ATF7IP2: variants seen among roughly 807,000 people sequenced by gnomAD.
The protein encoded by ATF7IP2 is activating transcription factor 7 interacting protein 2.
ATF7IP2 carries 42 observed loss-of-function variants against 64.2 expected under a neutral mutation model. That is an observed-to-expected ratio of 0.65 (90% confidence interval 0.51 to 0.85). The LOEUF is 0.85. Ranked by LOEUF, ATF7IP2 falls within the 40% of genes least tolerant of loss-of-function variation. The pLI is 0.00. For missense variants in ATF7IP2, 933 were observed against 784.2 expected (o/e 1.19, Z -2.27); for synonymous variants, 308 against 272.8 (o/e 1.13, Z -1.27).
intron 12 of ATF7IP2, among the ~76,000 whole-genome samples, chr16:10,476,262 T>C (rs1299734105): frequency 3.9e-5 from 6 of 152,192 alleles, no homozygotes; most frequent in Admixed American, 3.9e-4. Flanking sequence ...GGTGACTAAC[T>C]GTGAAACACA....
chr16:10,425,005 TGAAAA>T (rs1222030841), intron 3 of ATF7IP2, among the ~76,000 whole-genome samples: 1 of 151,646 alleles, frequency 6.6e-6, no homozygotes, highest in Admixed American at 6.6e-5. Flanking sequence ...CAAAGAAACA[TGAAAA>T]CATTATGTCC....
intron 8 of ATF7IP2, among the ~76,000 whole-genome samples, chr16:10,456,482 G>A (rs1382214738): frequency 6.6e-6 from 1 of 152,140 alleles, no homozygotes; most frequent in Non-Finnish European, 1.5e-5. Flanking sequence ...GGTTTAGTGT[G>A]TAGATCCTGG....
intron 9 of ATF7IP2, among the ~76,000 whole-genome samples, chr16:10,461,221 G>T (rs1596581173): frequency 6.6e-6 from 1 of 152,060 alleles, no homozygotes; most frequent in South Asian, 2.1e-4. Context: ...TGAAATAAAG[G>T]GAGTAGTATT....
intron 6 of ATF7IP2, among the ~76,000 whole-genome samples, chr16:10,436,238 T>C (rs1259145604): frequency 2.6e-5 from 4 of 152,184 alleles, no homozygotes; most frequent in Admixed American, 2.0e-4. Context: ...GGAGCATGCC[T>C]GTAGGCTCAG....
rs2050269997 is a variant in ATF7IP2 at position 10,482,368 on chromosome 16, C to T, written c.*119C>T. The T allele has an allele frequency of 8.5e-6, 6 of 708,298 alleles. No homozygotes were observed. The highest frequency in any genetic ancestry group is 1.4e-5 in the Non-Finnish European group (6 of 436,096). The allele number at this position is 708,298 out of a possible 1,614,324, so 43.9% of individuals were successfully genotyped here. On this transcript the variant is annotated 3_prime_UTR_variant, in exon 14 of 14. Coordinates refer to ENST00000562102, the MANE Select transcript of ATF7IP2 (RefSeq NM_001393719.1). ...AGATTGTGAGCCCTTTCTATTGGGA[C>T]AGTCCTCTTCTATATGTTTTAAGTG... is the stretch of plus-strand genomic sequence containing the variant.
intron 5 of ATF7IP2, 56 bp downstream of exon 5, chr16:10,431,511 G>A: frequency 2.4e-6 from 3 of 1,249,334 alleles, no homozygotes; most frequent in South Asian, 1.5e-5. Context: ...TTTTCTTTAG[G>A]GTATTTTAAA....
In ATF7IP2 at chr16:10,457,013, T is replaced by G. The variant is rs75947680; in HGVS notation, c.1195-359T>G. ...AAGAGCAAGTTAGCAATCTGAGTTA[T>G]TTCTAGTCTTTATTAAAAGTATAAC... On this transcript the variant is annotated intron_variant, in intron 8 of 13. Transcript: ENST00000562102. Among the ~76,000 whole-genome samples, 982 of 152,326 alleles carry G rather than the reference T, an allele frequency of 6.4e-3. 11 individuals are homozygous for G. The highest frequency in any genetic ancestry group is 0.022 in the African/African-American group (912 of 41,576).
At chr16:10,417,545 T>A (rs2047903839) in intron 2 of ATF7IP2, among the ~76,000 whole-genome samples, 1 of 152,126 alleles carries the variant, frequency 6.6e-6, no homozygotes, top group South Asian at 2.1e-4. Flanking sequence ...ATCCTAAATA[T>A]GCATGCACTG....
chr16:10,391,464 AAC>A (rs1204686755), intron 1 of ATF7IP2, among the ~76,000 whole-genome samples: 1 of 152,174 alleles, frequency 6.6e-6, no homozygotes, highest in Non-Finnish European at 1.5e-5. Context: ...TATGAAATGG[AAC>A]ACTGTATAAT....
At chr16:10,473,784 G>T in intron 11 of ATF7IP2, 139 bp from the exon 12 acceptor site, 1 of 639,998 alleles carries the variant, frequency 1.6e-6, no homozygotes, top group South Asian at 2.3e-5. Flanking sequence ...AACCACAAGA[G>T]ACTTAGAGAA....
At chr16:10,429,804 TTTAC>T (rs1410781301) in intron 4 of ATF7IP2, among the ~76,000 whole-genome samples, 1 of 147,620 alleles carries the variant, frequency 6.8e-6, no homozygotes, top group East Asian at 1.9e-4. Context: ...TTTTATTTAT[TTTAC>T]TTCATTTATT....
At chr16:10,414,113 T>A (rs2047823309) in intron 1 of ATF7IP2, among the ~76,000 whole-genome samples, 1 of 152,184 alleles carries the variant, frequency 6.6e-6, no homozygotes, top group African/African-American at 2.4e-5. Context: ...GCTTACTGTA[T>A]TTGGATATCT....
intron 8 of ATF7IP2, chr16:10,448,252 TG>T (rs2048875713): frequency 6.6e-6 from 1 of 152,228 alleles, no homozygotes; most frequent in African/African-American, 2.4e-5. Context: ...CTTGGCTATA[TG>T]GGCTCTTTTT....
intron 1 of ATF7IP2, among the ~76,000 whole-genome samples, chr16:10,407,048 CTAAG>C (rs1379380834): frequency 2.0e-5 from 3 of 152,094 alleles, no homozygotes; most frequent in Non-Finnish European, 4.4e-5. Context: ...TTAATCATGA[CTAAG>C]TAGGATTTCA....
At chr16:10,412,454 G>A (rs1257931609) in intron 1 of ATF7IP2, among the ~76,000 whole-genome samples, 1 of 152,054 alleles carries the variant, frequency 6.6e-6, no homozygotes, top group Non-Finnish European at 1.5e-5. Flanking sequence ...TCAGGAGCAG[G>A]TTATTTAATT....
At position 10,412,010 on chromosome 16, in the gene ATF7IP2, G is replaced by GTTTTTTTTTTTTTTTTTTTTT. The variant is rs71133351; in HGVS notation, c.-241-2555_-241-2535dup. On this transcript the variant is annotated intron_variant, in intron 1 of 13. Coordinates refer to ENST00000562102, the MANE Select transcript of ATF7IP2 (RefSeq NM_001393719.1). ...CTTTTTGTTTCATTTATCTTTTTTT[G>GTTTTTTTTTTTTTTTTTTTTT]TTTTTTTTTTTTTTTTTTTTTTTTT... Among the ~76,000 whole-genome samples, 8 of 58,390 alleles carry GTTTTTTTTTTTTTTTTTTTTT rather than the reference G, an allele frequency of 1.4e-4. 1 individual carries two copies. The highest frequency in any genetic ancestry group is 1.8e-4 in the African/African-American group (3 of 16,330). The allele number at this position is 58,390 out of a possible 152,430, so 38.3% of individuals were successfully genotyped here. A position where few individuals can be genotyped will look rare whatever the true frequency, so the allele number is the denominator to read the frequency against.
At chr16:10,478,829 AAGT>A (rs1447108440) in intron 12 of ATF7IP2, among the ~76,000 whole-genome samples, 2 of 152,230 alleles carry the variant, frequency 1.3e-5, no homozygotes, top group Non-Finnish European at 2.9e-5. Context: ...CCCCATCAAA[AAGT>A]AGGCGAAGGA....
intron 1 of ATF7IP2, among the ~76,000 whole-genome samples, chr16:10,398,233 G>A (rs938123910): frequency 2.6e-5 from 4 of 151,978 alleles, no homozygotes; most frequent in African/African-American, 9.7e-5. Flanking sequence ...GAACCCGGGA[G>A]GCAGAGGTTG....
chr16:10,444,581 G>A (rs2048740744), intron 8 of ATF7IP2, among the ~76,000 whole-genome samples: 1 of 152,220 alleles, frequency 6.6e-6, no homozygotes, highest in African/African-American at 2.4e-5. Context: ...ATAGAAGATA[G>A]ACCAAGTACG....
Sources: gnomAD v4.1 joint callset for allele counts (sites outside exome capture counted in the v4.1 genomes callset) on GRCh38, gnomAD v4.1.1 for gene constraint, MANE v1.5 for transcripts, NCBI Gene and HGNC (gene_info 2026-07-23, HGNC 2026-07-21) for gene names.